NPSR1: variants seen among roughly 807,000 people sequenced by gnomAD.
The protein encoded by NPSR1 is neuropeptide S receptor.
A neutral mutation model predicts 46.9 loss-of-function variants in NPSR1; 48 were observed. The observed-to-expected ratio is 1.02, with a 90% CI of 0.81 to 1.30. The LOEUF is 1.30. Ranked by LOEUF, NPSR1 falls within the 50% of genes most tolerant of loss-of-function variation. The pLI is 0.00. For synonymous variants in NPSR1, 176 were observed against 168.1 expected (o/e 1.05, Z -0.36); for missense variants, 450 against 449.5 (o/e 1.00, Z -0.01).
At chr7:34,864,375 A>G (rs1234671765) in intron 8 of NPSR1, among the ~76,000 whole-genome samples, 10 of 78,208 alleles carry the variant, frequency 1.3e-4, no homozygotes, top group African/African-American at 4.0e-4. Flanking sequence ...GTATAATAAT[A>G]AAAAAAAAAG....
chr7:34,658,692 A>C, intron 1 of NPSR1, 133 bp downstream of exon 1: 1 of 922,190 alleles, frequency 1.1e-6, no homozygotes. Flanking sequence ...GGATTTTTAA[A>C]AGTCTGAAGT....
intron 2 of NPSR1, among the ~76,000 whole-genome samples, chr7:34,720,342 T>C (rs1032901214): frequency 1.3e-5 from 2 of 151,750 alleles, no homozygotes; most frequent in African/African-American, 4.8e-5. Flanking sequence ...TGTCAGGATC[T>C]GGCCCACCAG....
At position 34,848,669 on chromosome 7, in the gene NPSR1, G is replaced by A. The variant is rs763502622; in HGVS notation, c.1025+6G>A. The A allele has an allele frequency of 3.1e-6, 5 of 1,612,474 alleles. No homozygotes were observed. The highest frequency in any genetic ancestry group is 1.7e-4 in the Middle Eastern group (1 of 5,994). ...TCCATCTCTTTCCCCTGCAGGTAAG[G>A]GGAGCTCTTGCATGGGTCAGACACA... is the stretch of plus-strand genomic sequence containing the variant. On this transcript the variant is annotated splice_donor_region_variant and intron_variant, in intron 8 of 8. Transcript: ENST00000360581.
rs573395123 is a variant in NPSR1 at position 34,869,086 on chromosome 7, T to G, written c.1026-8990T>G. On this transcript the variant is annotated intron_variant, in intron 8 of 8. Transcript: ENST00000359791. ...TGCACCACTCTATTTCACATTTAAGTTCAAGGTTCTGGGGAAATGAGTCCC... is the reference window on the plus strand; with the variant it reads ...TGCACCACTCTATTTCACATTTAAGGTCAAGGTTCTGGGGAAATGAGTCCC... Among the ~76,000 whole-genome samples, 61 of 151,808 alleles carry G rather than the reference T, an allele frequency of 4.0e-4. 1 individual carries two copies. In the South Asian group the frequency reaches 0.012, roughly 30 times the overall value.
chr7:34,831,066 C>T (rs1790096538), intron 5 of NPSR1, among the ~76,000 whole-genome samples: 2 of 152,190 alleles, frequency 1.3e-5, no homozygotes, highest in African/African-American at 4.8e-5. Context: ...TCCTCACTCC[C>T]TAACCTCCAA....
chr7:34,684,480 T>C, intron 1 of NPSR1, 72 bp from the exon 2 acceptor site: 1 of 1,487,446 alleles, frequency 6.7e-7, no homozygotes, highest in Non-Finnish European at 9.2e-7. Context: ...AAATCCAGCC[T>C]GGGGCAGGCA....
rs180734970 is a variant in NPSR1, at chr7:34,859,098, G to T, written c.1025+10435G>T. On this transcript the variant is annotated intron_variant, in intron 8 of 8. Coordinates refer to the NPSR1 transcript ENST00000359791. ...CTAGAAACAGGGAGGTGATCAACTGGGTCTTGGTTACATACAGAAAACAGC... is the reference window on the plus strand; with the variant it reads ...CTAGAAACAGGGAGGTGATCAACTGTGTCTTGGTTACATACAGAAAACAGC... Among the ~76,000 whole-genome samples the T allele has an allele frequency of 2.4e-3, 371 of 151,634 alleles. 11 individuals carry two copies. The highest frequency in any genetic ancestry group is 8.8e-3 in the African/African-American group (361 of 40,988).
chr7:34,874,499 T>C (rs1791532299), intron 8 of NPSR1, among the ~76,000 whole-genome samples: 1 of 152,018 alleles, frequency 6.6e-6, no homozygotes, highest in South Asian at 2.1e-4. Flanking sequence ...TTTAATGTTG[T>C]CCCCAGGTCC....
At chr7:34,732,020 A>G (rs1784441941) in intron 2 of NPSR1, among the ~76,000 whole-genome samples, 1 of 150,564 alleles carries the variant, frequency 6.6e-6, no homozygotes, top group African/African-American at 2.5e-5. Flanking sequence ...ATCTCTACCA[A>G]AAAAAATTAG....
chr7:34,774,125 G>A (rs561190536), intron 2 of NPSR1, among the ~76,000 whole-genome samples: 4 of 152,244 alleles, frequency 2.6e-5, no homozygotes, highest in South Asian at 2.1e-4. Context: ...TCATTCATTG[G>A]GAAGACCTTC....
At chr7:34,845,718 A>G (rs1173271486) in intron 7 of NPSR1, 10 of 386,508 alleles carry the variant, frequency 2.6e-5, no homozygotes, top group African/African-American at 4.2e-5. Context: ...TAATAAATCT[A>G]TGAGGGCAAT....
chr7:34,797,432 G>A (rs950019568), intron 3 of NPSR1, among the ~76,000 whole-genome samples: 4 of 152,066 alleles, frequency 2.6e-5, no homozygotes, highest in Admixed American at 1.3e-4. Context: ...GGGGGACAGG[G>A]GGTTTATGGG....
chr7:34,752,172 G>C, intron 2 of NPSR1: 1 of 356,094 alleles, frequency 2.8e-6, no homozygotes, highest in South Asian at 3.1e-5. Flanking sequence ...TACGTGTAAG[G>C]TATGCATTCA....
At chr7:34,786,184 T>C (rs2128740730) in intron 3 of NPSR1, among the ~76,000 whole-genome samples, 1 of 152,298 alleles carries the variant, frequency 6.6e-6, no homozygotes, top group East Asian at 1.9e-4. Context: ...TTTTATCAAA[T>C]ATGTTTATGT....
chr7:34,865,439 T>C (rs1791289548), intron 8 of NPSR1, among the ~76,000 whole-genome samples: 1 of 151,750 alleles, frequency 6.6e-6, no homozygotes, highest in South Asian at 2.1e-4. Context: ...GCATGCTCAG[T>C]AGAATCTTTC....
At chr7:34,818,487 T>C (rs374985589) in intron 4 of NPSR1, among the ~76,000 whole-genome samples, 1 of 152,156 alleles carries the variant, frequency 6.6e-6, no homozygotes, top group Non-Finnish European at 1.5e-5. Context: ...AAAATGGCCA[T>C]ACTGCCCAAG....
chr7:34,701,850 C>T (rs1295443118), intron 2 of NPSR1, among the ~76,000 whole-genome samples: 1 of 152,140 alleles, frequency 6.6e-6, no homozygotes, highest in African/African-American at 2.4e-5. Flanking sequence ...AAACACCTTC[C>T]TAATTAAAGA....
chr7:34,697,075 T>C (rs1178376707), intron 2 of NPSR1, among the ~76,000 whole-genome samples: 3 of 152,094 alleles, frequency 2.0e-5, no homozygotes, highest in Non-Finnish European at 2.9e-5. Flanking sequence ...TTGAGATGTA[T>C]AGATGTACAA....
At chr7:34,812,185 G>A (rs1008663383) in intron 4 of NPSR1, among the ~76,000 whole-genome samples, 1 of 152,096 alleles carries the variant, frequency 6.6e-6, no homozygotes, top group Non-Finnish European at 1.5e-5. Flanking sequence ...TTCCTCTAGA[G>A]CAGTGTTGAC....
Sources: allele counts gnomAD v4.1 joint callset (sites outside exome capture counted in the v4.1 genomes callset), GRCh38; gene constraint gnomAD v4.1.1; transcripts MANE v1.5; gene names NCBI Gene and HGNC (gene_info 2026-07-23, HGNC 2026-07-21).